Variants in MARCHF1 observed in about 807,000 individuals in gnomAD.
MARCHF1 encodes the protein E3 ubiquitin-protein ligase MARCHF1.
Under a neutral mutation model 54.2 loss-of-function variants are expected in MARCHF1, and 40 were observed. That is an observed-to-expected ratio of 0.74 (90% CI 0.57 to 0.96). The LOEUF (loss-of-function observed/expected upper bound fraction) is 0.96. Among genes scored for constraint, MARCHF1 ranks in the 40% least tolerant of loss-of-function variants. The pLI is 0.00. For missense variants in MARCHF1, 586 were observed against 656.5 expected (o/e 0.89, Z 1.17); for synonymous variants, 236 against 236.3 (o/e 1.00, Z 0.01).
intron 3 of MARCHF1, among the ~76,000 whole-genome samples, chr4:163,929,963 A>T (rs1038366391): frequency 4.8e-5 from 3 of 62,150 alleles, no homozygotes; most frequent in African/African-American, 7.6e-5. Context: ...TATTATATAT[A>T]ATATATATAA....
Position 163,831,098 on chromosome 4 carries a change from T to G in MARCHF1, c.111+22923A>C, listed in dbSNP as rs144077781. 8.9e-3 allele frequency among the ~76,000 whole-genome samples: 1,348 copies of G among 152,292 alleles called. 19 individuals carry two copies. The highest frequency in any genetic ancestry group is 0.03 in the African/African-American group (1,252 of 41,554). On this transcript the variant is annotated intron_variant, in intron 4 of 9. Coordinates refer to ENST00000514618, the MANE Select transcript of MARCHF1 (RefSeq NM_001394959.1). ...TCTTTACAAAAAGCTCAGCCAAAAATTTCTTCTGTCTTTCCTATGGCTAAA... is the reference window on the plus strand; with the variant it reads ...TCTTTACAAAAAGCTCAGCCAAAAAGTTCTTCTGTCTTTCCTATGGCTAAA...
At chr4:164,213,103 T>C (rs904780540) in intron 1 of MARCHF1, among the ~76,000 whole-genome samples, 1 of 151,982 alleles carries the variant, frequency 6.6e-6, no homozygotes, top group African/African-American at 2.4e-5. Flanking sequence ...TTATGTCATA[T>C]ATGTATTTCT....
chr4:164,022,375 C>T (rs1753684086), intron 2 of MARCHF1, among the ~76,000 whole-genome samples: 1 of 152,180 alleles, frequency 6.6e-6, no homozygotes. Flanking sequence ...TTTGGCAGAT[C>T]TTTGGATAGA....
At chr4:163,701,285 T>A (rs187775705) in intron 4 of MARCHF1, among the ~76,000 whole-genome samples, 4 of 152,312 alleles carry the variant, frequency 2.6e-5, no homozygotes, top group Admixed American at 2.0e-4. Flanking sequence ...ATATGCTATA[T>A]ACATCCACCT....
intron 1 of MARCHF1, among the ~76,000 whole-genome samples, chr4:164,143,042 T>C (rs149059798): frequency 0.57 from 82,683 of 144,406 alleles, 26,127 homozygotes; most frequent in Non-Finnish European, 0.75. Context: ...CCTCAGGAGC[T>C]GATGCGATCA....
At chr4:164,142,886 G>A (rs1756586768) in intron 1 of MARCHF1, among the ~76,000 whole-genome samples, 1 of 152,038 alleles carries the variant, frequency 6.6e-6, no homozygotes, top group African/African-American at 2.4e-5. Context: ...GCTACGGGAG[G>A]ACATTCAAAC....
chr4:164,127,110 G>C (rs1756201482), intron 1 of MARCHF1, among the ~76,000 whole-genome samples: 1 of 145,176 alleles, frequency 6.9e-6, no homozygotes. Context: ...AACTGAACTG[G>C]AGAAACAGTG....
At chr4:163,906,725 AAAAAAAG>A (rs1240032761) in intron 3 of MARCHF1, among the ~76,000 whole-genome samples, 1 of 151,868 alleles carries the variant, frequency 6.6e-6, no homozygotes, top group Non-Finnish European at 1.5e-5. Context: ...AGACAAATAA[AAAAAAAG>A]AAAAAACTGG....
At chr4:164,195,515 T>C (rs1161976443) in intron 1 of MARCHF1, among the ~76,000 whole-genome samples, 3 of 152,132 alleles carry the variant, frequency 2.0e-5, no homozygotes, top group African/African-American at 2.4e-5. Context: ...CAAATGAAAA[T>C]AGAAAGTTAT....
intron 3 of MARCHF1, among the ~76,000 whole-genome samples, chr4:163,919,623 T>C (rs1487807139): frequency 6.6e-6 from 1 of 152,006 alleles, no homozygotes; most frequent in Non-Finnish European, 1.5e-5. Context: ...AGCACTTCCA[T>C]TTTTCCTATC....
At chr4:163,710,456 C>A (rs936930582) in intron 4 of MARCHF1, among the ~76,000 whole-genome samples, 1 of 152,044 alleles carries the variant, frequency 6.6e-6, no homozygotes, top group African/African-American at 2.4e-5. Context: ...ATTGTATTGG[C>A]TAGGAAATAA....
chr4:163,988,271 G>A (rs1446825116), intron 3 of MARCHF1, among the ~76,000 whole-genome samples: 1 of 152,190 alleles, frequency 6.6e-6, no homozygotes, highest in Non-Finnish European at 1.5e-5. Context: ...GTTTCCATCT[G>A]TCAAGTAGGA....
chr4:163,726,079 T>G (rs1173879759), intron 4 of MARCHF1, among the ~76,000 whole-genome samples: 5 of 152,154 alleles, frequency 3.3e-5, no homozygotes, highest in Admixed American at 3.3e-4. Flanking sequence ...CTCCCCACTA[T>G]CAAAATCCTG....
At chr4:163,969,712 T>TA (rs1391593370) in intron 3 of MARCHF1, among the ~76,000 whole-genome samples, 1 of 152,194 alleles carries the variant, frequency 6.6e-6, no homozygotes, top group African/African-American at 2.4e-5. Flanking sequence ...CTAATTTTCT[T>TA]AAACTTGATG....
At chr4:163,624,920 T>C (rs1027531352) in intron 5 of MARCHF1, among the ~76,000 whole-genome samples, 12 of 152,234 alleles carry the variant, frequency 7.9e-5, no homozygotes, top group African/African-American at 2.7e-4. Flanking sequence ...ATTTATCCTC[T>C]GAAGTTACAA....
At chr4:164,342,030 T>C (rs1368458649) in intron 1 of MARCHF1, among the ~76,000 whole-genome samples, 4 of 152,164 alleles carry the variant, frequency 2.6e-5, no homozygotes, top group Non-Finnish European at 5.9e-5. Context: ...GATTTGTGTA[T>C]TGAAAATGTT....
intron 1 of MARCHF1, among the ~76,000 whole-genome samples, chr4:164,286,716 ATTTT>A (rs1310693661): frequency 6.8e-6 from 1 of 147,502 alleles, no homozygotes; most frequent in African/African-American, 2.5e-5. Context: ...TTATATATAT[ATTTT>A]ATATTTTTAT....
chr4:164,247,378 A>G (rs1211744080), intron 1 of MARCHF1, among the ~76,000 whole-genome samples: 1 of 150,408 alleles, frequency 6.6e-6, no homozygotes, highest in African/African-American at 2.4e-5. Flanking sequence ...AACACCGCAT[A>G]TTCTCACTCA....
At chr4:163,989,670 G>A (rs1364947182) in intron 2 of MARCHF1, among the ~76,000 whole-genome samples, 1 of 152,142 alleles carries the variant, frequency 6.6e-6, no homozygotes, top group East Asian at 1.9e-4. Context: ...CTCTCTCAGT[G>A]AAGTAAATTC....
Sources: allele counts gnomAD v4.1 joint callset (sites outside exome capture counted in the v4.1 genomes callset), GRCh38; gene constraint gnomAD v4.1.1; transcripts MANE v1.5; gene names NCBI Gene and HGNC (gene_info 2026-07-23, HGNC 2026-07-21).